Variants in ZRANB3 observed in about 807,000 individuals in gnomAD.
The protein encoded by ZRANB3 is zinc finger RANBP2-type containing 3, also known as DNA annealing helicase and endonuclease ZRANB3.
ZRANB3 carries 125 observed loss-of-function variants against 133.8 expected under a neutral mutation model. The observed-to-expected ratio is 0.93, with a 90% CI of 0.81 to 1.08. The LOEUF is 1.08. Ranked by LOEUF, ZRANB3 falls within the 50% of genes least tolerant of loss-of-function variation. The pLI is 0.00. For synonymous variants in ZRANB3, 387 were observed against 432.7 expected, an observed-to-expected ratio of 0.89 and a Z score of 1.31; for missense variants, 1,229 against 1,275.5, an observed-to-expected ratio of 0.96 and a Z score of 0.56.
At chr2:135,314,871 T>A (rs929468621) in intron 7 of ZRANB3, among the ~76,000 whole-genome samples, 1 of 151,910 alleles carries the variant, frequency 6.6e-6, no homozygotes, top group African/African-American at 2.4e-5. Context: ...TGCCTCAGCC[T>A]CCCGAGTAGC....
rs778606468 is a variant in ZRANB3, at chr2:135,230,587, C to T, written c.1880G>A (p.Cys627Tyr). ...ATTATTGATATAGGTGCAGAGACTACATTGCCAGCCCTCTACAGGAAAGGC... is the reference window on the plus strand; with the variant it reads ...ATTATTGATATAGGTGCAGAGACTATATTGCCAGCCCTCTACAGGAAAGGC... The part of the protein sequence containing the change: ...TPAFPVEGWQ[C>Y]SLCTYINNSE... Residue 627 changes from cysteine to tyrosine, a missense_variant, in exon 13 of 21, where the codon TGT becomes TAT. By Grantham distance (194) the Cys-to-Tyr change is radical (BLOSUM62 -2). Transcript: ENST00000264159. 18 of 1,602,166 alleles carry T rather than the reference C, an allele frequency of 1.1e-5. No individual in the cohort carries two copies. The highest frequency in any genetic ancestry group is 5.3e-5 in the Admixed American group (3 of 57,132).
intron 2 of ZRANB3, among the ~76,000 whole-genome samples, chr2:135,493,737 G>A (rs1692523764): frequency 6.6e-6 from 1 of 152,112 alleles, no homozygotes; most frequent in African/African-American, 2.4e-5. Context: ...AAGTTGGACA[G>A]TTTTTAAATA....
At chr2:135,372,076 G>A (rs964260999) in intron 3 of ZRANB3, among the ~76,000 whole-genome samples, 1 of 151,078 alleles carries the variant, frequency 6.6e-6, no homozygotes. Context: ...GCTGAGGCAC[G>A]AGAATCACCT....
chr2:135,457,747 C>T (rs554764245), intron 2 of ZRANB3, among the ~76,000 whole-genome samples: 4 of 147,728 alleles, frequency 2.7e-5, no homozygotes, highest in East Asian at 4.0e-4. Flanking sequence ...TATTCATATC[C>T]TTTGCCCATT....
At chr2:135,410,010 T>C (rs1472151371) in intron 2 of ZRANB3, among the ~76,000 whole-genome samples, 1 of 152,120 alleles carries the variant, frequency 6.6e-6, no homozygotes, top group Non-Finnish European at 1.5e-5. Context: ...TGGAAAAACA[T>C]CTCATGCTCA....
chr2:135,353,458 A>G lies in ZRANB3; in HGVS notation c.351T>C (p.Thr117=), dbSNP rs1685297482. Residue 117 remains threonine (T), a synonymous_variant, in exon 4 of 21, where the codon ACT becomes ACC. Transcript: ENST00000264159. ...PEEINVIQNK[T]DVRRMSTSKV... The stretch of plus-strand genomic sequence containing the variant: ...TAAACAGTTGTTCTTACCTAACATC[A>G]GTTTTATTCTGAATAACATTGATTT... 2 of 1,576,444 alleles carry G rather than the reference A, an allele frequency of 1.3e-6. No individual in the cohort carries two copies. The highest frequency in any genetic ancestry group is 1.9e-5 in the Admixed American group (1 of 54,000).
At chr2:135,490,964 T>C (rs905467745) in intron 2 of ZRANB3, among the ~76,000 whole-genome samples, 1 of 152,092 alleles carries the variant, frequency 6.6e-6, no homozygotes, top group Non-Finnish European at 1.5e-5. Context: ...CAGAGTACCT[T>C]AGTGGCTACT....
At chr2:135,250,302 G>C (rs1476379973) in intron 12 of ZRANB3, among the ~76,000 whole-genome samples, 1 of 152,142 alleles carries the variant, frequency 6.6e-6, no homozygotes, top group Non-Finnish European at 1.5e-5. Flanking sequence ...TGCTGTTAAA[G>C]GCATTCAGTT....
chr2:135,451,369 C>T (rs1690259129), intron 2 of ZRANB3, among the ~76,000 whole-genome samples: 1 of 152,018 alleles, frequency 6.6e-6, no homozygotes, highest in South Asian at 2.1e-4. Context: ...CAAGAGTAGC[C>T]TGGCCAACAT....
rs149869246 is a variant in ZRANB3 at position 135,246,011 on chromosome 2, C to A, written c.1540-15084G>T. On this transcript the variant is annotated intron_variant, in intron 12 of 20. Transcript: ENST00000264159. Reference sequence around the variant, plus strand: ...ACTTGTGGTTTGAATAGCTCCATTTCTTTTCTTTTCTTTTCTTTTCTTTCT... The same window carrying A: ...ACTTGTGGTTTGAATAGCTCCATTTATTTTCTTTTCTTTTCTTTTCTTTCT... 8.8e-3 allele frequency among the ~76,000 whole-genome samples: 1,160 copies of A among 131,810 alleles called. 21 individuals carry two copies. Among genetic ancestry groups the A allele is most frequent in the African/African-American group, 0.032 (1,116 of 35,040 alleles). The allele number at this position is 131,810 out of a possible 152,430, so 86.5% of individuals were successfully genotyped here.
chr2:135,413,217 T>TA (rs1688389699), intron 2 of ZRANB3, among the ~76,000 whole-genome samples: 1 of 152,190 alleles, frequency 6.6e-6, no homozygotes, highest in South Asian at 2.1e-4. Flanking sequence ...ATATGATGTC[T>TA]AGAGCTGCTA....
rs1694821295 is a variant in ZRANB3, at chr2:135,227,906, G to A, written c.2064C>T (p.Ala688=). The change falls in exon 14 of 21, where the codon GCC becomes GCT. Residue 688 remains alanine, a synonymous_variant. Transcript: ENST00000264159. ...ACTGGCCAGGTTCTGACTGTGCAAGGGCTTGTTTTTCACAGTCTGAGATAG... is the reference window on the plus strand; with the variant it reads ...ACTGGCCAGGTTCTGACTGTGCAAGAGCTTGTTTTTCACAGTCTGAGATAG... ...VQTISDCEKQ[A]LAQSEPGQLA... is the part of the protein sequence containing the mutation. 1 of 1,562,408 alleles carries A rather than the reference G, an allele frequency of 6.4e-7. No homozygotes were observed. The highest frequency in any genetic ancestry group is 2.3e-5 in the East Asian group (1 of 42,664).
chr2:135,218,560 A>C (rs1694406356), intron 16 of ZRANB3, among the ~76,000 whole-genome samples: 2 of 152,138 alleles, frequency 1.3e-5, no homozygotes, highest in Admixed American at 6.5e-5. Flanking sequence ...AGCACACAGC[A>C]TGCTAGGTTA....
At chr2:135,349,242 T>C (rs1490645557) in intron 5 of ZRANB3, among the ~76,000 whole-genome samples, 1 of 152,198 alleles carries the variant, frequency 6.6e-6, no homozygotes, top group African/African-American at 2.4e-5. Flanking sequence ...GAGTGCTTAC[T>C]ATGTGACAAG....
intron 3 of ZRANB3, among the ~76,000 whole-genome samples, chr2:135,372,125 G>C (rs1335805430): frequency 6.7e-6 from 1 of 149,414 alleles, no homozygotes; most frequent in African/African-American, 2.5e-5. Flanking sequence ...CCAAGATGGT[G>C]CCACTGTGCC....
intron 12 of ZRANB3, among the ~76,000 whole-genome samples, chr2:135,249,758 AGT>A (rs1234434716): frequency 6.6e-6 from 1 of 152,308 alleles, no homozygotes; most frequent in East Asian, 1.9e-4. Context: ...ATATAAAGAA[AGT>A]GTCTTTCGCT....
At chr2:135,246,211 A>G (rs1334926331) in intron 12 of ZRANB3, among the ~76,000 whole-genome samples, 1 of 151,124 alleles carries the variant, frequency 6.6e-6, no homozygotes, top group Non-Finnish European at 1.5e-5. Context: ...GCCATCCTTG[A>G]TGTTTTGAGA....
intron 2 of ZRANB3, among the ~76,000 whole-genome samples, chr2:135,442,502 T>A (rs1689823784): frequency 6.6e-6 from 1 of 152,154 alleles, no homozygotes; most frequent in Admixed American, 6.5e-5. Context: ...TGAGATACCA[T>A]CTCACGCCAG....
At chr2:135,366,424 A>T (rs1038630343) in intron 3 of ZRANB3, among the ~76,000 whole-genome samples, 7 of 152,344 alleles carry the variant, frequency 4.6e-5, no homozygotes, top group Admixed American at 1.3e-4. Flanking sequence ...ATCCTCTGCC[A>T]GTTGCCAAAA....
Sources: allele counts gnomAD v4.1 joint callset (sites outside exome capture counted in the v4.1 genomes callset), GRCh38; gene constraint gnomAD v4.1.1; transcripts MANE v1.5; gene names NCBI Gene and HGNC (gene_info 2026-07-23, HGNC 2026-07-21).